KCNH2: variants seen among roughly 807,000 people sequenced by gnomAD.
KCNH2 encodes the protein voltage-gated inwardly rectifying potassium channel KCNH2.
In KCNH2, 35 loss-of-function variants were observed where a neutral mutation model predicts 95.9. That is an observed-to-expected ratio of 0.37 (90% CI 0.28 to 0.48). The LOEUF (loss-of-function observed/expected upper bound fraction) is 0.48, where lower values mean the gene tolerates loss of function less well. Ranked by LOEUF, KCNH2 falls within the 20% of genes least tolerant of loss-of-function variation. The pLI, the probability that KCNH2 is intolerant of heterozygous loss-of-function variation, is 0.99. For missense variants in KCNH2, 1,274 were observed against 1,702.9 expected, an observed-to-expected ratio of 0.75 and a Z score of 4.43; for synonymous variants, 786 against 754.7, an observed-to-expected ratio of 1.04 and a Z score of -0.68.
In KCNH2 at chr7:150,945,029, A is replaced by T. The variant is rs976452006; in HGVS notation, c.*336T>A. On this transcript the variant is annotated 3_prime_UTR_variant, in exon 15 of 15. Coordinates refer to ENST00000262186, the MANE Select transcript of KCNH2 (RefSeq NM_000238.4). The surrounding 1 kb of genome is among the most constrained non-coding windows in gnomAD (Gnocchi z 5.6). The stretch of plus-strand genomic sequence containing the variant: ...TCATTAATTATTCATATGATCCTTA[A>T]TTATTATCCTTAACAATAAGAGCAG... 1 of 291,026 alleles carries T rather than the reference A, an allele frequency of 3.4e-6. No homozygotes were observed. The highest frequency in any genetic ancestry group is 4.6e-5 in the Admixed American group (1 of 21,624). The allele number at this position is 291,026 out of a possible 1,614,324, so 18.0% of individuals were successfully genotyped here.
chr7:150,975,438 T>G (rs1801958062), intron 1 of KCNH2, among the ~76,000 whole-genome samples: 2 of 151,804 alleles, frequency 1.3e-5, no homozygotes, highest in African/African-American at 2.4e-5. Context: ...TGAGGCTCCC[T>G]AGGAAATCAC....
At chr7:150,965,053 A>AGTGT (rs1015882742) in intron 2 of KCNH2, among the ~76,000 whole-genome samples, 2 of 151,406 alleles carry the variant, frequency 1.3e-5, no homozygotes, top group African/African-American at 4.9e-5. Flanking sequence ...ACAGGGAGAG[A>AGTGT]GTGTGTGTGT....
intron 13 of KCNH2, 35 bp downstream of exon 13, chr7:150,947,293 G>A: frequency 1.3e-6 from 2 of 1,511,958 alleles, no homozygotes; most frequent in African/African-American, 1.4e-5. Flanking sequence ...CCAGACTCCA[G>A]GGCGTGCCCC....
At chr7:150,950,550 CA>C in intron 8 of KCNH2, 130 bp from the exon 9 acceptor site, 2 of 1,239,372 alleles carry the variant, frequency 1.6e-6, no homozygotes, top group East Asian at 2.5e-5. Flanking sequence ...TCGGAAGCAT[CA>C]GGGGGCCCAG....
chr7:150,958,418 C>A lies in KCNH2; in HGVS notation c.557G>T (p.Gly186Val). The change falls in exon 4 of 15, where the codon GGC (glycine) becomes GTC (valine). Residue 186 changes from glycine (G) to valine (V), a missense_variant. Gly to Val is a moderately radical substitution (Grantham distance 109). Transcript: ENST00000262186. ...RESSVRSGGA[G>V]GAGAPGAVVV... ...CACGGCCCCCGGGGCGCCCGCGCCG[C>A]CCGCGCCGCCCGACCGCACCGACGA... is the stretch of plus-strand genomic sequence containing the variant. 6.9e-7 allele frequency: 1 copy of A among 1,440,566 alleles called. No homozygotes were observed. Among genetic ancestry groups the A allele is most frequent in the Non-Finnish European group, 9.0e-7 (1 of 1,105,932 alleles). The allele number at this position is 1,440,566 out of a possible 1,614,324, so 89.2% of individuals were successfully genotyped here. A position where few individuals can be genotyped will look rare whatever the true frequency, so the allele number is the denominator to read the frequency against.
At chr7:150,957,927 C>T (rs1801432422) in intron 4 of KCNH2, 132 bp downstream of exon 4, 2 of 665,228 alleles carry the variant, frequency 3.0e-6, no homozygotes, top group Non-Finnish European at 4.6e-6. Flanking sequence ...TAAATAAGTG[C>T]TTAATGGGAT....
rs531272738 is a variant in KCNH2, at chr7:150,950,863, C to G, written c.2145+58G>C. 3.1e-5 allele frequency: 49 copies of G among 1,562,608 alleles called. No individual in the cohort carries two copies. The African/African-American group carries it at 6.4e-4, about 20-fold the overall frequency. On this transcript the variant is annotated intron_variant, in intron 8 of 14. Transcript: ENST00000262186. ...TTGTTTGCTGTGCCAAGAGGTTCCC[C>G]TCTGCCACCCCACTCTTCCCAGCCT...
Position 150,978,075 on chromosome 7 carries a change from C to A in KCNH2, c.-162G>T. The A allele has an allele frequency of 4.7e-6, 1 of 214,952 alleles. No individual in the cohort carries two copies. The highest frequency in any genetic ancestry group is 1.7e-4 in the South Asian group (1 of 5,826). The allele number at this position is 214,952 out of a possible 1,614,324, so 13.3% of individuals were successfully genotyped here. A position where few individuals can be genotyped will look rare whatever the true frequency, so the allele number is the denominator to read the frequency against. ...GGACTGCGGGCGCCGGGTCCTCGCTCGGCTCCCGGCTCCCCGCTCCGGACC... is the reference window on the plus strand; with the variant it reads ...GGACTGCGGGCGCCGGGTCCTCGCTAGGCTCCCGGCTCCCCGCTCCGGACC... On this transcript the variant is annotated 5_prime_UTR_variant, in exon 1 of 15. Transcript: ENST00000262186.
intron 2 of KCNH2, among the ~76,000 whole-genome samples, chr7:150,971,597 A>T (rs1801841427): frequency 6.6e-6 from 1 of 151,996 alleles, no homozygotes; most frequent in Non-Finnish European, 1.5e-5. Context: ...GTGGGGGACA[A>T]TGGGAGAGAG....
At chr7:150,966,106 C>G (rs1399302985) in intron 2 of KCNH2, among the ~76,000 whole-genome samples, 1 of 152,264 alleles carries the variant, frequency 6.6e-6, no homozygotes, top group African/African-American at 2.4e-5. Flanking sequence ...TGTGAGACTT[C>G]TGAGCCTCAG....
chr7:150,948,431 T>G lies in KCNH2; in HGVS notation c.2692+13A>C. 1.9e-6 allele frequency: 1 copy of G among 530,534 alleles called. No individual in the cohort carries two copies. The highest frequency in any genetic ancestry group is 2.7e-6 in the Non-Finnish European group (1 of 365,644). The allele number at this position is 530,534 out of a possible 1,614,324, so 32.9% of individuals were successfully genotyped here. A position where few individuals can be genotyped will look rare whatever the true frequency, so the allele number is the denominator to read the frequency against. On this transcript the variant is annotated intron_variant, in intron 11 of 14. Transcript: ENST00000262186. Reference sequence around the variant, plus strand: ...GTCCCCGCCCTCCCCCTTCCTCCCCTCCCCCGCCTCACCCTTGTCCGTGCG... The same window carrying G: ...GTCCCCGCCCTCCCCCTTCCTCCCCGCCCCCGCCTCACCCTTGTCCGTGCG...
At chr7:150,957,165 G>A in intron 5 of KCNH2, 126 bp downstream of exon 5, 2 of 792,584 alleles carry the variant, frequency 2.5e-6, no homozygotes, top group Non-Finnish European at 4.3e-6. Context: ...CAACCCTCAG[G>A]TCTGCCTCCC....
rs1189809707 is a variant in KCNH2 at position 150,945,157 on chromosome 7, C to A, written c.*208G>T. The A allele has an allele frequency of 2.1e-5, 13 of 617,034 alleles. No individual in the cohort carries two copies. The highest frequency in any genetic ancestry group is 3.6e-5 in the Non-Finnish European group (13 of 357,834). 38.2% of individuals were successfully genotyped at this position (617,034 alleles called of 1,614,324 possible). A position where few individuals can be genotyped will look rare whatever the true frequency, so the allele number is the denominator to read the frequency against. The stretch of plus-strand genomic sequence containing the variant: ...CAGGGCAGTGGGGGGACCACAGGCC[C>A]CACCTACTGCCGGCCCTGCCCCTGC... On this transcript the variant is annotated 3_prime_UTR_variant, in exon 15 of 15. Transcript: ENST00000262186. The surrounding 1 kb of genome is among the most constrained non-coding windows in gnomAD (Gnocchi z 5.6).
At chr7:150,959,781 G>A (rs1438788161) in intron 2 of KCNH2, 45 bp from the exon 3 acceptor site, 2 of 1,612,160 alleles carry the variant, frequency 1.2e-6, no homozygotes, top group Non-Finnish European at 1.7e-6. Flanking sequence ...CACTCAGTGG[G>A]CAGAGCAGAA....
intron 3 of KCNH2, among the ~76,000 whole-genome samples, chr7:150,959,018 G>A (rs139009075): frequency 7.2e-5 from 11 of 152,358 alleles, no homozygotes; most frequent in Non-Finnish European, 1.3e-4. Context: ...GCCAAAGAGG[G>A]CATCCTGACA....
Position 150,961,428 on chromosome 7 carries a change from G to A in KCNH2, c.308-1692C>T, listed in dbSNP as rs1166442224. Among the ~76,000 whole-genome samples, 1 of 151,972 alleles carries A rather than the reference G, an allele frequency of 6.6e-6. No individual in the cohort carries two copies. Among genetic ancestry groups the A allele is most frequent in the Non-Finnish European group, 1.5e-5 (1 of 68,018 alleles). Reference sequence around the variant, plus strand: ...TTCTCCTGCCTCAGCCTCCCAAGTAGCTGGGACTACAGCTGCATGCTACCA... The same window carrying A: ...TTCTCCTGCCTCAGCCTCCCAAGTAACTGGGACTACAGCTGCATGCTACCA... On this transcript the variant is annotated intron_variant, in intron 2 of 14. Coordinates refer to ENST00000262186, the MANE Select transcript of KCNH2 (RefSeq NM_000238.4). This position sits in a 1 kb window ranked among gnomAD's most constrained non-coding sequence, Gnocchi z 6.2.
rs199473543 is a variant in KCNH2, at chr7:150,947,377, G to A, written c.3103C>T (p.Arg1035Trp). 50 of 1,548,114 alleles carry A rather than the reference G, an allele frequency of 3.2e-5. No individual in the cohort carries two copies. Among genetic ancestry groups the A allele is most frequent in the Middle Eastern group, 1.8e-4 (1 of 5,530 alleles). The change falls in exon 13 of 15, where the codon CGG (arginine) becomes TGG (tryptophan). Residue 1035 changes from arginine (R) to tryptophan (W), a missense_variant. Physicochemically the swap from Arg to Trp is moderately radical, Grantham distance 101 (BLOSUM62 -3). Transcript: ENST00000262186. ...IPLSSPGRRP[R>W]GDVESRLDAL... The stretch of plus-strand genomic sequence containing the variant: ...TCCAGCCTGCTCTCCACGTCGCCCC[G>A]GGGCCGCCGACCCGGGCTGGAGAGG...
At chr7:150,963,121 T>C (rs755361325) in intron 2 of KCNH2, among the ~76,000 whole-genome samples, 1 of 152,220 alleles carries the variant, frequency 6.6e-6, no homozygotes, top group Non-Finnish European at 1.5e-5. Flanking sequence ...ACCCAGCTGC[T>C]GCAGGCTGCA....
Position 150,977,820 on chromosome 7 carries a change from G to T in KCNH2, c.76+18C>A. 1.1e-5 allele frequency: 6 copies of T among 534,506 alleles called. No homozygotes were observed. Among genetic ancestry groups the T allele is most frequent in the Non-Finnish European group, 1.8e-5 (6 of 330,540 alleles). 33.1% of individuals were successfully genotyped at this position (534,506 alleles called of 1,614,324 possible). A position where few individuals can be genotyped will look rare whatever the true frequency, so the allele number is the denominator to read the frequency against. On this transcript the variant is annotated intron_variant, in intron 1 of 14. Coordinates refer to ENST00000262186, the MANE Select transcript of KCNH2 (RefSeq NM_000238.4). ...GCCCCCAGAGCCCCCTCCCCGCTCA[G>T]CCCCCTCCCCCACTCACTCTGGCCC... is the stretch of plus-strand genomic sequence containing the variant.
Sources: allele counts gnomAD v4.1 joint callset (sites outside exome capture counted in the v4.1 genomes callset), GRCh38; gene constraint gnomAD v4.1.1; non-coding constraint Gnocchi (gnomAD v3.1); transcripts MANE v1.5; gene names NCBI Gene and HGNC (gene_info 2026-07-23, HGNC 2026-07-21).